The following CARD9 variants were observed in gnomAD, a reference collection of about 807,000 sequenced individuals.
CARD9 encodes the protein caspase recruitment domain family member 9.
In CARD9, 53 loss-of-function variants were observed where a neutral mutation model predicts 66.0. That is an observed-to-expected ratio of 0.80 (90% confidence interval 0.64 to 1.01). The LOEUF (loss-of-function observed/expected upper bound fraction) is 1.01. CARD9 is among the 50% of genes least tolerant of loss of function. The probability of loss-of-function intolerance (pLI) is 0.00; values close to 1 mark genes in which losing one functional copy is unlikely to be tolerated. For synonymous variants in CARD9, 387 were observed against 313.8 expected, an observed-to-expected ratio of 1.23 and a Z score of -2.47; for missense variants, 769 against 743.2, an observed-to-expected ratio of 1.03 and a Z score of -0.40.
At chr9:136,364,595 C>G (rs1156273267) in intron 11 of CARD9, 36 bp from the exon 12 acceptor site, 4 of 1,528,162 alleles carry the variant, frequency 2.6e-6, no homozygotes, top group Non-Finnish European at 8.8e-7. Flanking sequence ...CCGGCCGGCT[C>G]CCCTGAGGGA....
chr9:136,372,585 A>T (rs1320376955), intron 1 of CARD9, among the ~76,000 whole-genome samples: 1 of 152,248 alleles, frequency 6.6e-6, no homozygotes, highest in Admixed American at 6.5e-5. Flanking sequence ...CAGGTTGGCC[A>T]GTGGCCCTCC....
Position 136,367,405 on chromosome 9 carries a change from C to T in CARD9, c.1270-148G>A, listed in dbSNP as rs916850887. 15 of 1,037,500 alleles carry T rather than the reference C, an allele frequency of 1.4e-5. No individual in the cohort carries two copies. In the Admixed American group the frequency reaches 1.5e-4, roughly 10 times the overall value. The allele number at this position is 1,037,500 out of a possible 1,614,324, so 64.3% of individuals were successfully genotyped here. A position where few individuals can be genotyped will look rare whatever the true frequency, so the allele number is the denominator to read the frequency against. On this transcript the variant is annotated intron_variant, in intron 8 of 12. Transcript: ENST00000371732. ...CCCCCTCCATGCCCAGAACAACCTG[C>T]TAGGCTGCCTGATGGCCAGGCCCAG...
chr9:136,372,970 C>A (rs1192916607), intron 1 of CARD9, among the ~76,000 whole-genome samples: 1 of 152,218 alleles, frequency 6.6e-6, no homozygotes, highest in Non-Finnish European at 1.5e-5. Context: ...ACAGAACTAC[C>A]CATGTTGGGA....
chr9:136,365,852 CACACCTGCCCCT>C (rs1272755900), intron 10 of CARD9: 2 of 153,452 alleles, frequency 1.3e-5, no homozygotes, highest in East Asian at 3.8e-4. Flanking sequence ...CTCCAACCTT[CACACCTGCCCCT>C]GCTCCTGCCA....
At chr9:136,371,643 C>T (rs917327348) in intron 2 of CARD9, among the ~76,000 whole-genome samples, 182 bp from the exon 3 acceptor site, 10 of 152,140 alleles carry the variant, frequency 6.6e-5, no homozygotes, top group Non-Finnish European at 1.5e-5. Context: ...GCTGCCCACC[C>T]GCCCCTTGGC....
chr9:136,371,234 C>T, intron 3 of CARD9, 89 bp from the exon 4 acceptor site: 1 of 1,584,138 alleles, frequency 6.3e-7, no homozygotes, highest in Non-Finnish European at 8.6e-7. Flanking sequence ...CTCAGGGCTC[C>T]TAGGGATGGG....
intron 8 of CARD9, 46 bp from the exon 9 acceptor site, chr9:136,367,303 C>T (rs1291844059): frequency 1.2e-6 from 2 of 1,600,070 alleles, no homozygotes; most frequent in Non-Finnish European, 8.5e-7. Flanking sequence ...GGGCAGAGGG[C>T]TCCCCAGGCA....
Position 136,364,273 on chromosome 9 carries a change from T to C in CARD9, c.*29A>G, listed in dbSNP as rs1199442414. The C allele has an allele frequency of 3.2e-6, 5 of 1,551,396 alleles. No individual in the cohort carries two copies. The highest frequency in any genetic ancestry group is 3.5e-6 in the Non-Finnish European group (4 of 1,147,228). On this transcript the variant is annotated 3_prime_UTR_variant, in exon 13 of 13. Coordinates refer to ENST00000371732, the MANE Select transcript of CARD9 (RefSeq NM_052813.5). ...TGGCAGGAGGCCGGGCCGGTGGGTG[T>C]GCCCTGGTCGGGGCCTGCGCTGCTG...
In CARD9 at chr9:136,370,423, G is replaced by T; in HGVS notation, c.822C>A (p.Asp274Glu). 6.2e-7 allele frequency: 1 copy of T among 1,611,050 alleles called. No homozygotes were observed. Residue 274 changes from aspartate (D) to glutamate (E), a missense_variant, in exon 6 of 13, where the codon GAC (aspartate) becomes GAA (glutamate). Asp to Glu is a conservative substitution (Grantham distance 45). Coordinates refer to ENST00000371732, the MANE Select transcript of CARD9 (RefSeq NM_052813.5). ...GTACCTGGATGTAGGGGCTGCTCCT[G>T]TCCAGCTTCCCCTCCTGAAGGGGGC... is the stretch of plus-strand genomic sequence containing the variant. ...LEASVQEGKL[D>E]RSSPYIQVLE... is the part of the protein sequence containing the mutation.
intron 11 of CARD9, 70 bp from the exon 12 acceptor site, chr9:136,364,629 CA>C: frequency 1.4e-6 from 2 of 1,445,702 alleles, no homozygotes; most frequent in Non-Finnish European, 1.9e-6. Context: ...ACCCGCCCCC[CA>C]CTGGCCCCTG....
At chr9:136,372,318 C>T (rs1330649809) in intron 1 of CARD9, among the ~76,000 whole-genome samples, 3 of 152,206 alleles carry the variant, frequency 2.0e-5, no homozygotes. Flanking sequence ...CCAGACCAGC[C>T]GAGGGCCCCT....
intron 1 of CARD9, 30 bp from the exon 2 acceptor site, chr9:136,372,124 A>G: frequency 6.2e-7 from 1 of 1,608,480 alleles, no homozygotes; most frequent in Non-Finnish European, 8.5e-7. Flanking sequence ...GCTGAGAGCG[A>G]TGCCGGCTCC....
At position 136,370,701 on chromosome 9, in the gene CARD9, T is replaced by C; in HGVS notation, c.628A>G (p.Ile210Val). 6.2e-7 allele frequency: 1 copy of C among 1,612,686 alleles called. No individual in the cohort carries two copies. Residue 210 changes from isoleucine to valine, a missense_variant and splice_region_variant, in exon 5 of 13, where the codon ATT becomes GTT. Physicochemically the swap from Ile to Val is conservative, Grantham distance 29. Coordinates refer to ENST00000371732, the MANE Select transcript of CARD9 (RefSeq NM_052813.5). ...LMRNRDLQLEIDQLKHSLMKA... is the reference protein window; with the variant it reads ...LMRNRDLQLEVDQLKHSLMKA... Reference sequence around the variant, plus strand: ...ATGAGGCTGTGCTTGAGCTGGTCAATCTGCAGAAGGTCCAGTGAGCCTGGC... The same window carrying C: ...ATGAGGCTGTGCTTGAGCTGGTCAACCTGCAGAAGGTCCAGTGAGCCTGGC...
rs755380617 is a variant in CARD9, at chr9:136,370,906, G to A, written c.562C>T (p.Arg188Cys). The A allele has an allele frequency of 6.2e-6, 10 of 1,611,086 alleles. No homozygotes were observed. Among genetic ancestry groups the A allele is most frequent in the South Asian group, 3.3e-5 (3 of 91,026 alleles). ...CKEENYDLAM[R>C]LAHQSEEKGA... ...TTCTCCTCACTCTGGTGCGCCAGGC[G>A]CATGGCCAGGTCGTAGTTCTCCTCC... The change falls in exon 4 of 13, where the codon CGC becomes TGC. Residue 188 changes from arginine to cysteine, a missense_variant. By Grantham distance (180) the Arg-to-Cys change is radical. Coordinates refer to ENST00000371732, the MANE Select transcript of CARD9 (RefSeq NM_052813.5).
chr9:136,370,267 G>T, intron 6 of CARD9, 27 bp downstream of exon 6: 1 of 1,591,796 alleles, frequency 6.3e-7, no homozygotes, highest in Non-Finnish European at 8.5e-7. Context: ...GACCCCAGGG[G>T]CCATGTCTCC....
intron 3 of CARD9, 88 bp downstream of exon 3, chr9:136,371,236 A>G (rs1329878601): frequency 1.9e-6 from 3 of 1,583,142 alleles, no homozygotes; most frequent in Non-Finnish European, 2.6e-6. Flanking sequence ...CAGGGCTCCT[A>G]GGGATGGGGG....
rs922901788 is a variant in CARD9, at chr9:136,371,928, C to T, written c.151G>A (p.Asp51Asn). The change falls in exon 2 of 13, where the codon GAC becomes AAC. Residue 51 changes from aspartate to asparagine, a missense_variant. Coordinates refer to ENST00000371732, the MANE Select transcript of CARD9 (RefSeq NM_052813.5). ...NPDDEEQVLSDPNLVIRKRKV... is the reference protein window; with the variant it reads ...NPDDEEQVLSNPNLVIRKRKV... Reference sequence around the variant, plus strand: ...CGTTTGCGGATGACCAGGTTGGGGTCGCTGAGCACCTGCTCCTCATCATCG... The same window carrying T: ...CGTTTGCGGATGACCAGGTTGGGGTTGCTGAGCACCTGCTCCTCATCATCG... The T allele has an allele frequency of 3.7e-6, 6 of 1,607,290 alleles. No homozygotes were observed. The highest frequency in any genetic ancestry group is 2.7e-5 in the African/African-American group (2 of 74,812).
chr9:136,364,248 T>A lies in CARD9; in HGVS notation c.*54A>T. 6.5e-7 allele frequency: 1 copy of A among 1,550,258 alleles called. No individual in the cohort carries two copies. Among genetic ancestry groups the A allele is most frequent in the Non-Finnish European group, 8.7e-7 (1 of 1,146,636 alleles). On this transcript the variant is annotated 3_prime_UTR_variant, in exon 13 of 13. Coordinates refer to ENST00000371732, the MANE Select transcript of CARD9 (RefSeq NM_052813.5). Reference sequence around the variant, plus strand: ...GCCCCAGGGCGTCGGCACCCCCGGGTGGCAGGAGGCCGGGCCGGTGGGTGT... The same window carrying A: ...GCCCCAGGGCGTCGGCACCCCCGGGAGGCAGGAGGCCGGGCCGGTGGGTGT...
chr9:136,367,951 G>A (rs1833167340), intron 7 of CARD9, 123 bp from the exon 8 acceptor site: 5 of 1,443,834 alleles, frequency 3.5e-6, no homozygotes, highest in Admixed American at 5.3e-5. Context: ...CGCGGAGGCT[G>A]GTCACAGCCC....
Sources: gnomAD v4.1 joint callset for allele counts (sites outside exome capture counted in the v4.1 genomes callset) on GRCh38, gnomAD v4.1.1 for gene constraint, MANE v1.5 for transcripts, NCBI Gene and HGNC (gene_info 2026-07-23, HGNC 2026-07-21) for gene names.